ARHGAP35: variants seen among roughly 807,000 people sequenced by gnomAD.
ARHGAP35 encodes Rho GTPase activating protein 35.
In ARHGAP35, 15 loss-of-function variants were observed where a neutral mutation model predicts 111.1. The observed-to-expected ratio is 0.13, with a 90% CI of 0.09 to 0.21. The LOEUF is 0.21. Among genes scored for constraint, ARHGAP35 ranks in the 10% least tolerant of loss-of-function variants. ARHGAP35 has a pLI of 1.00. For synonymous variants in ARHGAP35, 643 were observed against 710.3 expected (o/e 0.91, Z 1.51); for missense variants, 1,262 against 1,873.0 (o/e 0.67, Z 6.02).
Position 46,999,039 on chromosome 19 carries a change from G to T in ARHGAP35, c.4037-265G>T. The T allele has an allele frequency of 2.0e-6, 1 of 496,366 alleles. No individual in the cohort carries two copies. Among genetic ancestry groups the T allele is most frequent in the Non-Finnish European group, 3.6e-6 (1 of 278,474 alleles). 30.7% of individuals were successfully genotyped at this position (496,366 alleles called of 1,614,324 possible). ...TGGCGGAGTGTCTCCAGATTGTTCT[G>T]TCTTGGGTGGTGGGGGCCAGGAAGC... On this transcript the variant is annotated intron_variant, in intron 5 of 6. Transcript: ENST00000672722. The surrounding 1 kb of genome is among the most constrained non-coding windows in gnomAD (Gnocchi z 5.4).
intron 3 of ARHGAP35, among the ~76,000 whole-genome samples, chr19:46,964,955 C>T (rs549648182): frequency 1.8e-4 from 28 of 152,212 alleles, no homozygotes; most frequent in Non-Finnish European, 3.8e-4. Flanking sequence ...CATAGTACTA[C>T]CTTTTGATAG....
chr19:46,989,646 A>C lies in ARHGAP35; in HGVS notation c.4007A>C (p.Asn1336Thr), dbSNP rs1220613715. 1 of 1,613,856 alleles carries C rather than the reference A, an allele frequency of 6.2e-7. No homozygotes were observed. Among genetic ancestry groups the C allele is most frequent in the African/African-American group, 1.3e-5 (1 of 74,938 alleles). The change falls in exon 5 of 7, where the codon AAC becomes ACC. Residue 1336 changes from asparagine to threonine, a missense_variant. Around this residue, in one of 8 missense-constraint regions of ARHGAP35, gnomAD observed 45 missense variants for 118.2 expected, o/e 0.38. Transcript: ENST00000672722. The surrounding 1 kb of genome is among the most constrained non-coding windows in gnomAD (Gnocchi z 5.3). ...SELPDPLVPY[N>T]MQIDLVEAHK... Reference sequence around the variant, plus strand: ...CTGCCTGACCCCCTGGTCCCGTATAACATGCAGATCGACTTGGTGGAAGCA... The same window carrying C: ...CTGCCTGACCCCCTGGTCCCGTATACCATGCAGATCGACTTGGTGGAAGCA...
intron 3 of ARHGAP35, among the ~76,000 whole-genome samples, chr19:46,962,669 C>T (rs748456282): frequency 1.3e-5 from 2 of 152,234 alleles, no homozygotes; most frequent in African/African-American, 4.8e-5. Flanking sequence ...TGCAGTGGTG[C>T]GATCTTGGCT....
chr19:46,998,466 C>T (rs975211383), intron 5 of ARHGAP35, among the ~76,000 whole-genome samples: 2 of 152,234 alleles, frequency 1.3e-5, no homozygotes, highest in African/African-American at 4.8e-5. Flanking sequence ...GCCTCACCAG[C>T]CCCGATGCCC....
In ARHGAP35 at chr19:46,861,081, C is replaced by T. The variant is rs2055823065; in HGVS notation, c.-317C>T. Among the ~76,000 whole-genome samples, 2 of 148,152 alleles carry T rather than the reference C, an allele frequency of 1.3e-5. No individual in the cohort carries two copies. The highest frequency in any genetic ancestry group is 5.2e-5 in the African/African-American group (2 of 38,820). On this transcript the variant is annotated 5_prime_UTR_variant, in exon 1 of 7. Transcript: ENST00000672722. Reference sequence around the variant, plus strand: ...CCCGCGAGGGAGGGTCCGCCCGGCCCCCCGCCGCCGGAGCCGCCGCCGCCG... The same window carrying T: ...CCCGCGAGGGAGGGTCCGCCCGGCCTCCCGCCGCCGGAGCCGCCGCCGCCG...
chr19:46,992,456 G>C lies in ARHGAP35; in HGVS notation c.4036+2781G>C, dbSNP rs997268203. On this transcript the variant is annotated intron_variant, in intron 5 of 6. Transcript: ENST00000672722. This position sits in a 1 kb window ranked among gnomAD's most constrained non-coding sequence, Gnocchi z 4.4. ...AGGGTTTCAGGAGGCAGAAGAAAAG[G>C]CTTGCGCTGCCTGTTCTGTCTCCTA... Among the ~76,000 whole-genome samples, 2 of 152,262 alleles carry C rather than the reference G, an allele frequency of 1.3e-5. No homozygotes were observed. The highest frequency in any genetic ancestry group is 4.1e-4 in the South Asian group (2 of 4,820).
intron 2 of ARHGAP35, 39 bp from the exon 3 acceptor site, chr19:46,937,225 C>T: frequency 1.2e-6 from 2 of 1,611,800 alleles, no homozygotes; most frequent in African/African-American, 1.3e-5. Flanking sequence ...TGTTGATACT[C>T]ACTTTGTTTT....
intron 3 of ARHGAP35, among the ~76,000 whole-genome samples, chr19:46,978,602 T>C (rs1483173825): frequency 1.9e-5 from 1 of 52,516 alleles, no homozygotes. Flanking sequence ...GTGGGGGGGG[T>C]GTGGTGTGGT....
chr19:47,000,727 C>T lies in ARHGAP35; in HGVS notation c.*39C>T. On this transcript the variant is annotated 3_prime_UTR_variant, in exon 7 of 7. Transcript: ENST00000672722. This position sits in a 1 kb window ranked among gnomAD's most constrained non-coding sequence, Gnocchi z 6.9. ...GGGGCGACAGGAGAACCGGTCCTCT[C>T]TCTGACGGGGTGGCATTTGGCCTTG... The T allele has an allele frequency of 6.5e-7, 1 of 1,530,980 alleles. No individual in the cohort carries two copies. The highest frequency in any genetic ancestry group is 8.8e-7 in the Non-Finnish European group (1 of 1,136,898). 94.8% of individuals were successfully genotyped at this position (1,530,980 alleles called of 1,614,324 possible).
chr19:46,912,066 G>A (rs1266265035), intron 1 of ARHGAP35, among the ~76,000 whole-genome samples: 3 of 147,790 alleles, frequency 2.0e-5, no homozygotes, highest in South Asian at 2.1e-4. Context: ...TTTTTGAGAC[G>A]GAATTTCACT....
intron 5 of ARHGAP35, chr19:46,997,430 G>A (rs924033380): frequency 6.6e-6 from 1 of 152,194 alleles, no homozygotes; most frequent in Non-Finnish European, 1.5e-5. Context: ...ACAGGCTCCT[G>A]CGAGTAGACT....
At chr19:46,875,768 G>A (rs384842) in intron 1 of ARHGAP35, among the ~76,000 whole-genome samples, 95,755 of 151,978 alleles carry the variant, frequency 0.63, 30,872 homozygotes, top group Middle Eastern at 0.8. Context: ...AGCATGTGAG[G>A]GTGCTGCAAA....
chr19:46,891,158 G>A (rs2056021604), intron 1 of ARHGAP35, among the ~76,000 whole-genome samples: 1 of 152,126 alleles, frequency 6.6e-6, no homozygotes, highest in African/African-American at 2.4e-5. Context: ...GTACAAAATG[G>A]GGATATAACT....
At chr19:46,928,324 C>G (rs534049973) in intron 2 of ARHGAP35, among the ~76,000 whole-genome samples, 1 of 152,300 alleles carries the variant, frequency 6.6e-6, no homozygotes, top group Non-Finnish European at 1.5e-5. Context: ...CCTCCACCAC[C>G]TGGTGATACT....
rs112008743 is a variant in ARHGAP35 at position 46,898,775 on chromosome 19, AGCTGCTGCTGCTGCTGCT to A, written c.-188-19693_-188-19676del. ...ACCCAGGAGCCTCCATGCACAGATG[AGCTGCTGCTGCTGCTGCT>A]GCTGCTGCTGCTGCTGCTGTTGGAG... On this transcript the variant is annotated intron_variant, in intron 1 of 6. Transcript: ENST00000672722. 4.6e-4 allele frequency among the ~76,000 whole-genome samples: 69 copies of A among 150,910 alleles called. 1 individual carries two copies. The South Asian group carries it at 8.8e-3, about 19-fold the overall frequency.
intron 1 of ARHGAP35, among the ~76,000 whole-genome samples, chr19:46,876,858 C>T (rs1215277208): frequency 6.6e-6 from 1 of 152,158 alleles, no homozygotes; most frequent in Admixed American, 6.5e-5. Context: ...ACAGGCATAA[C>T]TCAGAGATAG....
At chr19:46,883,361 A>G (rs1230112793) in intron 1 of ARHGAP35, among the ~76,000 whole-genome samples, 2 of 151,708 alleles carry the variant, frequency 1.3e-5, no homozygotes, top group Non-Finnish European at 2.9e-5. Flanking sequence ...TCAGCCTCTC[A>G]AAGTGCTGGG....
chr19:46,906,735 G>C (rs1274430237), intron 1 of ARHGAP35, among the ~76,000 whole-genome samples: 2 of 152,170 alleles, frequency 1.3e-5, no homozygotes, highest in Non-Finnish European at 2.9e-5. Context: ...TATCTCCTTA[G>C]TCTCAAAGCA....
chr19:46,956,750 C>G (rs967231618), intron 3 of ARHGAP35, among the ~76,000 whole-genome samples: 1 of 152,170 alleles, frequency 6.6e-6, no homozygotes, highest in Non-Finnish European at 1.5e-5. Context: ...GCTCTGCTAC[C>G]CAGTAGCTGT....
Sources: gnomAD v4.1 joint callset for allele counts (sites outside exome capture counted in the v4.1 genomes callset) on GRCh38, gnomAD v4.1.1 for gene constraint, gnomAD v4.1.1 regional missense constraint, Gnocchi (gnomAD v3.1) non-coding constraint, MANE v1.5 for transcripts, NCBI Gene and HGNC (gene_info 2026-07-23, HGNC 2026-07-21) for gene names.